Variants in FAM227B observed in about 807,000 individuals in gnomAD.
FAM227B encodes protein FAM227B.
A neutral mutation model predicts 73.8 loss-of-function variants in FAM227B; 88 were observed. The observed-to-expected ratio is 1.19, with a 90% confidence interval of 1.00 to 1.42. The LOEUF (loss-of-function observed/expected upper bound fraction) is 1.42, where lower values mean the gene tolerates loss of function less well. FAM227B is among the 40% of genes most tolerant of loss of function. The pLI is 0.00. For missense variants in FAM227B, 632 were observed against 590.9 expected (o/e 1.07, Z -0.72); for synonymous variants, 210 against 190.5 (o/e 1.10, Z -0.84).
chr15:49,362,139 G>A (rs189198509), intron 13 of FAM227B, among the ~76,000 whole-genome samples: 1 of 151,948 alleles, frequency 6.6e-6, no homozygotes, highest in Non-Finnish European at 1.5e-5. Flanking sequence ...ACATAGTTTG[G>A]CTCTGTGTCC....
At chr15:49,605,739 G>A (rs2077478035) in intron 3 of FAM227B, among the ~76,000 whole-genome samples, 1 of 152,020 alleles carries the variant, frequency 6.6e-6, no homozygotes, top group Non-Finnish European at 1.5e-5. Context: ...ATGGCCTGGA[G>A]CCTGCAGCAG....
chr15:49,392,401 T>C (rs2047272611), intron 11 of FAM227B, among the ~76,000 whole-genome samples: 1 of 152,174 alleles, frequency 6.6e-6, no homozygotes, highest in African/African-American at 2.4e-5. Context: ...AAAAGATGTC[T>C]GTGCGATGAG....
At position 49,437,934 on chromosome 15, in the gene FAM227B, A is replaced by G. The variant is rs540868891; in HGVS notation, c.1013-66535T>C. On this transcript the variant is annotated intron_variant, in intron 11 of 15. Coordinates refer to ENST00000299338, the MANE Select transcript of FAM227B (RefSeq NM_152647.3). ...AGAAAGGGCAATACTCTCAAAAAAC[A>G]TATTTTAACCACATCTCAAAGAGCA... Among the ~76,000 whole-genome samples, 138 of 151,808 alleles carry G rather than the reference A, an allele frequency of 9.1e-4. 5 individuals are homozygous for G. In the South Asian group the frequency reaches 0.027, roughly 30 times the overall value.
intron 11 of FAM227B, among the ~76,000 whole-genome samples, chr15:49,439,208 C>A (rs370426068): frequency 2.6e-5 from 4 of 151,312 alleles, no homozygotes; most frequent in African/African-American, 9.7e-5. Flanking sequence ...GTGGGCCTCT[C>A]GACAGGCTTC....
At chr15:49,410,281 G>T (rs1439049137) in intron 11 of FAM227B, among the ~76,000 whole-genome samples, 1 of 152,134 alleles carries the variant, frequency 6.6e-6, no homozygotes, top group Non-Finnish European at 1.5e-5. Flanking sequence ...TTCAAATGCA[G>T]AATGTCTGAT....
At chr15:49,555,788 A>C (rs188706599) in intron 9 of FAM227B, among the ~76,000 whole-genome samples, 1 of 152,180 alleles carries the variant, frequency 6.6e-6, no homozygotes, top group East Asian at 1.9e-4. Flanking sequence ...GATTTTGGAG[A>C]ATCAGTCTTT....
chr15:49,366,701 G>C (rs1487042526), intron 13 of FAM227B: 15 of 1,393,636 alleles, frequency 1.1e-5, no homozygotes, highest in Non-Finnish European at 1.4e-5. Context: ...GGTGGGTGGC[G>C]GGTGGGGTGG....
Position 49,367,619 on chromosome 15 carries a change from A to C in FAM227B, c.1111-11T>G. On this transcript the variant is annotated splice_polypyrimidine_tract_variant and intron_variant, in intron 12 of 15. Transcript: ENST00000299338. The stretch of plus-strand genomic sequence containing the variant: ...ACTACTATAGTGCGACTGTAAGAGG[A>C]AGAAAATAATCAAGACAACGATTAC... 6.5e-7 allele frequency: 1 copy of C among 1,536,946 alleles called. No individual in the cohort carries two copies. Among genetic ancestry groups the C allele is most frequent in the Non-Finnish European group, 8.7e-7 (1 of 1,155,294 alleles).
intron 9 of FAM227B, among the ~76,000 whole-genome samples, chr15:49,553,576 GA>G (rs947971918): frequency 2.0e-5 from 3 of 151,960 alleles, no homozygotes; most frequent in African/African-American, 4.8e-5. Flanking sequence ...AGAGACTAAA[GA>G]AAAAAAACCT....
rs938112458 is a variant in FAM227B at position 49,604,327 on chromosome 15, G to T, written c.105+6888C>A. Among the ~76,000 whole-genome samples, 3 of 150,746 alleles carry T rather than the reference G, an allele frequency of 2.0e-5. 1 individual carries two copies. The highest frequency in any genetic ancestry group is 7.4e-5 in the African/African-American group (3 of 40,666). The stretch of plus-strand genomic sequence containing the variant: ...CCATTTTTGAAGGAGAGCCTTGCCA[G>T]GTTATCAAATTCTTTGTTGGCAGTT... On this transcript the variant is annotated intron_variant, in intron 3 of 15. Transcript: ENST00000299338.
At chr15:49,354,817 C>A (rs374712850) in intron 13 of FAM227B, among the ~76,000 whole-genome samples, 2 of 151,946 alleles carry the variant, frequency 1.3e-5, no homozygotes, top group African/African-American at 4.8e-5. Context: ...ACAGCAGTAA[C>A]CTCTGCAGAC....
chr15:49,550,320 TGGCCGGGCGGCG>T (rs1244767633), intron 9 of FAM227B, among the ~76,000 whole-genome samples: 3 of 133,994 alleles, frequency 2.2e-5, no homozygotes, highest in African/African-American at 8.6e-5. Flanking sequence ...ACGGGGCGGC[TGGCCGGGCGGCG>T]GGCTGACCCC....
chr15:49,589,109 A>T (rs2076370665), intron 4 of FAM227B, among the ~76,000 whole-genome samples: 2 of 152,168 alleles, frequency 1.3e-5, no homozygotes, highest in Non-Finnish European at 1.5e-5. Flanking sequence ...TGTTATACAA[A>T]TATTGAAAAG....
intron 10 of FAM227B, among the ~76,000 whole-genome samples, chr15:49,511,583 T>C (rs1369773663): frequency 6.6e-6 from 1 of 152,142 alleles, no homozygotes; most frequent in African/African-American, 2.4e-5. Flanking sequence ...CAGCAACCAT[T>C]AGCTATTCTT....
At chr15:49,549,785 T>C (rs2072532247) in intron 9 of FAM227B, among the ~76,000 whole-genome samples, 1 of 152,152 alleles carries the variant, frequency 6.6e-6, no homozygotes, top group African/African-American at 2.4e-5. Flanking sequence ...CACTTTCTAT[T>C]CCACAAAACC....
At chr15:49,341,749 C>G (rs2040761916) in intron 13 of FAM227B, among the ~76,000 whole-genome samples, 1 of 152,162 alleles carries the variant, frequency 6.6e-6, no homozygotes, top group South Asian at 2.1e-4. Flanking sequence ...TGTTCTGGTT[C>G]TGTTTTCATT....
intron 11 of FAM227B, among the ~76,000 whole-genome samples, chr15:49,398,000 T>C (rs1271339590): frequency 6.6e-6 from 1 of 152,096 alleles, no homozygotes; most frequent in Non-Finnish European, 1.5e-5. Context: ...CATAACAACA[T>C]TAACTTTAAA....
At chr15:49,376,591 T>C (rs1291070414) in intron 11 of FAM227B, among the ~76,000 whole-genome samples, 1 of 152,118 alleles carries the variant, frequency 6.6e-6, no homozygotes, top group African/African-American at 2.4e-5. Flanking sequence ...CAACAGTGAT[T>C]TGGTTATTCT....
intron 11 of FAM227B, among the ~76,000 whole-genome samples, chr15:49,431,078 T>C (rs944319984): frequency 5.9e-5 from 9 of 151,896 alleles, no homozygotes; most frequent in African/African-American, 2.2e-4. Context: ...TACAATACTT[T>C]TCCATTTTTA....
Sources: gnomAD v4.1 joint callset for allele counts (sites outside exome capture counted in the v4.1 genomes callset) on GRCh38, gnomAD v4.1.1 for gene constraint, MANE v1.5 for transcripts, NCBI Gene and HGNC (gene_info 2026-07-23, HGNC 2026-07-21) for gene names.